The following TNFRSF9 variants were observed in gnomAD, a reference collection of about 807,000 sequenced individuals.
The protein encoded by TNFRSF9 is tumor necrosis factor receptor superfamily member 9.
In TNFRSF9, 16 loss-of-function variants were observed where a neutral mutation model predicts 28.8. That is an observed-to-expected ratio of 0.55 (90% CI 0.38 to 0.84). The LOEUF (loss-of-function observed/expected upper bound fraction) is 0.84. TNFRSF9 is among the 40% of genes least tolerant of loss of function. The pLI is 0.00. For missense variants in TNFRSF9, 303 were observed against 315.0 expected, an observed-to-expected ratio of 0.96 and a Z score of 0.29; for synonymous variants, 131 against 117.0, an observed-to-expected ratio of 1.12 and a Z score of -0.77.
rs886978309 is a variant in TNFRSF9 at position 7,920,506 on chromosome 1, C to G, written c.*329G>C. On this transcript the variant is annotated 3_prime_UTR_variant, in exon 8 of 8. Coordinates refer to ENST00000377507, the MANE Select transcript of TNFRSF9 (RefSeq NM_001561.6). ...CCAAACAAAAAACAAAAAAGTTAGT[C>G]AGGTGTGGTGGCCCTTCCTTGTAGT... 5.2e-5 allele frequency: 11 copies of G among 211,586 alleles called. No homozygotes were observed. The highest frequency in any genetic ancestry group is 2.2e-4 in the Admixed American group (4 of 17,884). 13.1% of individuals were successfully genotyped at this position (211,586 alleles called of 1,614,324 possible). A position where few individuals can be genotyped will look rare whatever the true frequency, so the allele number is the denominator to read the frequency against.
chr1:7,921,516 A>G (rs1639558823), intron 7 of TNFRSF9, among the ~76,000 whole-genome samples: 1 of 151,466 alleles, frequency 6.6e-6, no homozygotes, highest in African/African-American at 2.4e-5. Context: ...AAATACCAAA[A>G]AAATTAGCTG....
At position 7,918,702 on chromosome 1, in the gene TNFRSF9, C is replaced by T. The variant is rs953822948; in HGVS notation, c.*2133G>A. Reference sequence around the variant, plus strand: ...TTGCAAATGGGCAAAAAAGCATGAGCAAGCATTTTATTTAAAAAAATAAAC... The same window carrying T: ...TTGCAAATGGGCAAAAAAGCATGAGTAAGCATTTTATTTAAAAAAATAAAC... On this transcript the variant is annotated 3_prime_UTR_variant, in exon 8 of 8. Transcript: ENST00000377507. 3 of 152,072 alleles carry T rather than the reference C, an allele frequency of 2.0e-5. No individual in the cohort carries two copies. Among genetic ancestry groups the T allele is most frequent in the Non-Finnish European group, 4.4e-5 (3 of 68,030 alleles). The allele number at this position is 152,072 out of a possible 1,614,324, so 9.4% of individuals were successfully genotyped here. A position where few individuals can be genotyped will look rare whatever the true frequency, so the allele number is the denominator to read the frequency against.
intron 6 of TNFRSF9, among the ~76,000 whole-genome samples, chr1:7,934,255 T>C (rs1031479945): frequency 7.3e-5 from 11 of 151,628 alleles, no homozygotes; most frequent in African/African-American, 2.7e-4. Context: ...TGAGTGCCTA[T>C]AGTCCCAGCT....
Position 7,917,668 on chromosome 1 carries a change from A to G in TNFRSF9, c.*3167T>C, listed in dbSNP as rs1050687146. ...CCAGGCAAGAAAAAATGTTAACCATATGAGAAAACAGTTATAAATTTAACC... is the reference window on the plus strand; with the variant it reads ...CCAGGCAAGAAAAAATGTTAACCATGTGAGAAAACAGTTATAAATTTAACC... On this transcript the variant is annotated 3_prime_UTR_variant, in exon 8 of 8. Coordinates refer to ENST00000377507, the MANE Select transcript of TNFRSF9 (RefSeq NM_001561.6). 1 of 152,170 alleles carries G rather than the reference A, an allele frequency of 6.6e-6. No homozygotes were observed. Among genetic ancestry groups the G allele is most frequent in the Admixed American group, 6.6e-5 (1 of 15,258 alleles). 9.4% of individuals were successfully genotyped at this position (152,170 alleles called of 1,614,324 possible). A position where few individuals can be genotyped will look rare whatever the true frequency, so the allele number is the denominator to read the frequency against.
intron 7 of TNFRSF9, among the ~76,000 whole-genome samples, chr1:7,926,192 C>G (rs1027982395): frequency 6.6e-6 from 1 of 152,146 alleles, no homozygotes; most frequent in Admixed American, 6.5e-5. Flanking sequence ...TGAGCCACTG[C>G]GCCTGGCAAA....
In TNFRSF9 at chr1:7,937,675, G is replaced by A. The variant is rs1639840447; in HGVS notation, c.413+15C>T. ...CAGATTCTTTATTCCATAAACTAAA[G>A]GAAATTATACGTACTTTGTCCAGGG... is the stretch of plus-strand genomic sequence containing the variant. On this transcript the variant is annotated intron_variant, in intron 5 of 7. Transcript: ENST00000377507. 1 of 1,608,128 alleles carries A rather than the reference G, an allele frequency of 6.2e-7. No homozygotes were observed. The highest frequency in any genetic ancestry group is 1.1e-5 in the South Asian group (1 of 90,652).
At chr1:7,934,552 T>C (rs554607847) in intron 6 of TNFRSF9, among the ~76,000 whole-genome samples, 62 of 146,102 alleles carry the variant, frequency 4.2e-4, no homozygotes, top group Middle Eastern at 4.2e-3. Flanking sequence ...CTACTAAAAA[T>C]ACAAAAATTA....
chr1:7,938,460 T>C (rs1578078425), intron 3 of TNFRSF9, 130 bp from the exon 4 acceptor site: 1 of 1,095,200 alleles, frequency 9.1e-7, no homozygotes. Context: ...AAAGTTTACT[T>C]TTAAATCTCC....
At chr1:7,933,363 AT>A in intron 6 of TNFRSF9, 67 bp from the exon 7 acceptor site, 2 of 1,513,480 alleles carry the variant, frequency 1.3e-6, no homozygotes, top group Non-Finnish European at 1.8e-6. Flanking sequence ...CCATGTATAT[AT>A]TTACATTGGT....
At chr1:7,926,503 C>T (rs1292825425) in intron 7 of TNFRSF9, among the ~76,000 whole-genome samples, 1 of 152,138 alleles carries the variant, frequency 6.6e-6, no homozygotes, top group African/African-American at 2.4e-5. Context: ...TGTCAATTTG[C>T]CCGAAACTGA....
At chr1:7,930,563 G>A (rs1313598463) in intron 7 of TNFRSF9, among the ~76,000 whole-genome samples, 1 of 152,030 alleles carries the variant, frequency 6.6e-6, no homozygotes, top group African/African-American at 2.4e-5. Context: ...TTTAAGACTG[G>A]CCTGGACAAC....
chr1:7,928,827 G>A (rs984012984), intron 7 of TNFRSF9, among the ~76,000 whole-genome samples: 15 of 152,052 alleles, frequency 9.9e-5, no homozygotes, highest in African/African-American at 3.6e-4. Flanking sequence ...TGCAGCGAGT[G>A]GAGATCACGC....
chr1:7,937,758 T>C lies in TNFRSF9; in HGVS notation c.347-2A>G. 1 of 1,610,382 alleles carries C rather than the reference T, an allele frequency of 6.2e-7. No homozygotes were observed. Among genetic ancestry groups the C allele is most frequent in the Non-Finnish European group, 8.5e-7 (1 of 1,177,354 alleles). On this transcript the variant is annotated splice_acceptor_variant, in intron 4 of 7. Coordinates refer to ENST00000377507, the MANE Select transcript of TNFRSF9 (RefSeq NM_001561.6). LOFTEE classifies it high-confidence loss of function. ...TCCCAAAGCAACAGTCTTTACAACC[T>C]TGTATTAAAAATGAAAGCAATAATA...
At chr1:7,928,390 A>G (rs1639684066) in intron 7 of TNFRSF9, among the ~76,000 whole-genome samples, 1 of 152,230 alleles carries the variant, frequency 6.6e-6, no homozygotes, top group Admixed American at 6.5e-5. Flanking sequence ...AGCAAACAAA[A>G]TATCTTTTAA....
intron 7 of TNFRSF9, 63 bp from the exon 8 acceptor site, chr1:7,920,986 T>G: frequency 8.7e-7 from 1 of 1,145,716 alleles, no homozygotes; most frequent in Non-Finnish European, 1.3e-6. Flanking sequence ...AACACTTATT[T>G]TCCATAAATT....
chr1:7,923,357 T>C (rs996252736), intron 7 of TNFRSF9, among the ~76,000 whole-genome samples: 2 of 152,166 alleles, frequency 1.3e-5, no homozygotes, highest in African/African-American at 4.8e-5. Context: ...CCTGGGGTAG[T>C]GTCAGAGGAG....
Position 7,919,224 on chromosome 1 carries a change from AT to A in TNFRSF9, c.*1610del, listed in dbSNP as rs1459705876. On this transcript the variant is annotated 3_prime_UTR_variant, in exon 8 of 8. Coordinates refer to ENST00000377507, the MANE Select transcript of TNFRSF9 (RefSeq NM_001561.6). ...GGCATGTCATACAAAAGTGTAAGAA[AT>A]GGCCAGGCATGGTGGCTCATGCCTG... 1.3e-5 allele frequency: 2 copies of A among 152,062 alleles called. No individual in the cohort carries two copies. Among genetic ancestry groups the A allele is most frequent in the Admixed American group, 6.6e-5 (1 of 15,252 alleles). 9.4% of individuals were successfully genotyped at this position (152,062 alleles called of 1,614,324 possible).
chr1:7,927,990 A>G (rs1176545061), intron 7 of TNFRSF9, among the ~76,000 whole-genome samples: 1 of 152,208 alleles, frequency 6.6e-6, no homozygotes, highest in African/African-American at 2.4e-5. Flanking sequence ...AAATAATCCA[A>G]CTAGAAAATA....
In TNFRSF9 at chr1:7,935,104, C is replaced by T. The variant is rs577769421; in HGVS notation, c.453G>A (p.Thr151=). The T allele has an allele frequency of 6.0e-5, 97 of 1,614,232 alleles. No homozygotes were observed. The South Asian group carries it at 8.8e-4, about 15-fold the overall frequency. The change falls in exon 6 of 8, where the codon ACG becomes ACA. Residue 151 remains threonine, a synonymous_variant. Transcript: ENST00000377507. Reference sequence around the variant, plus strand: ...GTCCACAGACCACGTCCCTCTCCTTCGTCCCATTCACAAGCACAGACTTTC... The same window carrying T: ...GTCCACAGACCACGTCCCTCTCCTTTGTCCCATTCACAAGCACAGACTTTC... ...LDGKSVLVNG[T]KERDVVCGPS... is the part of the protein sequence containing the mutation.
Sources: allele counts gnomAD v4.1 joint callset (sites outside exome capture counted in the v4.1 genomes callset), GRCh38; gene constraint gnomAD v4.1.1; transcripts MANE v1.5; gene names NCBI Gene and HGNC (gene_info 2026-07-23, HGNC 2026-07-21).